Variants in L3MBTL4 observed in about 807,000 individuals in gnomAD.
L3MBTL4 encodes L3MBTL histone methyl-lysine binding protein 4, also known as lethal(3)malignant brain tumor-like protein 4.
A neutral mutation model predicts 84.5 loss-of-function variants in L3MBTL4; 70 were observed. The observed-to-expected ratio is 0.83, with a 90% CI of 0.68 to 1.01. The LOEUF is 1.01. Ranked by LOEUF, L3MBTL4 falls within the 50% of genes least tolerant of loss-of-function variation. The pLI is 0.00. For synonymous variants in L3MBTL4, 274 were observed against 259.8 expected, an observed-to-expected ratio of 1.05 and a Z score of -0.52; for missense variants, 715 against 754.8, an observed-to-expected ratio of 0.95 and a Z score of 0.62.
intron 1 of L3MBTL4, among the ~76,000 whole-genome samples, chr18:6,375,288 C>T (rs1295080142): frequency 3.9e-5 from 6 of 152,104 alleles, no homozygotes; most frequent in African/African-American, 1.4e-4. Context: ...ATGGCTCTCC[C>T]GCCCTAAGGA....
intron 1 of L3MBTL4, among the ~76,000 whole-genome samples, chr18:6,342,792 GA>G (rs967352138): frequency 6.9e-6 from 1 of 144,238 alleles, no homozygotes; most frequent in Non-Finnish European, 1.5e-5. Context: ...AAGAGCAACT[GA>G]ATTTTTTTTA....
intron 4 of L3MBTL4, among the ~76,000 whole-genome samples, chr18:6,288,527 G>A (rs1213777915): frequency 6.6e-6 from 1 of 152,092 alleles, no homozygotes; most frequent in Non-Finnish European, 1.5e-5. Context: ...TTAAGGTCAT[G>A]AACCTATGAA....
At chr18:6,368,904 T>C (rs1413115551) in intron 1 of L3MBTL4, among the ~76,000 whole-genome samples, 1 of 151,946 alleles carries the variant, frequency 6.6e-6, no homozygotes, top group Non-Finnish European at 1.5e-5. Context: ...TAGTCGGGTG[T>C]GATGGCGCAC....
chr18:6,105,800 C>CAA (rs530044057), intron 14 of L3MBTL4, among the ~76,000 whole-genome samples: 15 of 96,116 alleles, frequency 1.6e-4, no homozygotes, highest in East Asian at 8.3e-4. Context: ...AACTCTGTCT[C>CAA]AAAAAAAAAA....
intron 4 of L3MBTL4, among the ~76,000 whole-genome samples, chr18:6,293,852 T>G (rs886071244): frequency 6.6e-6 from 1 of 152,126 alleles, no homozygotes; most frequent in South Asian, 2.1e-4. Context: ...TCTTCAAGAG[T>G]GTCCAGGTCA....
intron 7 of L3MBTL4, among the ~76,000 whole-genome samples, chr18:6,242,592 C>A (rs527859541): frequency 9.8e-5 from 15 of 152,296 alleles, no homozygotes; most frequent in Admixed American, 2.6e-4. Context: ...CCAAGGGACA[C>A]CCTGAGTGGA....
chr18:6,156,387 CAAT>C (rs746579060), intron 13 of L3MBTL4, among the ~76,000 whole-genome samples: 27 of 152,148 alleles, frequency 1.8e-4, no homozygotes, highest in African/African-American at 5.8e-4. Context: ...ACCACAACAA[CAAT>C]GAGATGATAA....
chr18:6,121,602 A>G (rs78348188), intron 14 of L3MBTL4, among the ~76,000 whole-genome samples: 3 of 152,034 alleles, frequency 2.0e-5, no homozygotes, highest in Admixed American at 6.5e-5. Context: ...TCACAGCCCT[A>G]CACACCAAAG....
At chr18:6,207,939 C>T (rs952488075) in intron 12 of L3MBTL4, among the ~76,000 whole-genome samples, 3 of 151,306 alleles carry the variant, frequency 2.0e-5, no homozygotes, top group Non-Finnish European at 4.4e-5. Context: ...CCCCCATCTC[C>T]GCAAAGAAAA....
chr18:6,368,097 C>T (rs530515820), intron 1 of L3MBTL4, among the ~76,000 whole-genome samples: 4 of 152,160 alleles, frequency 2.6e-5, no homozygotes, highest in African/African-American at 7.2e-5. Context: ...AGAGTAAACA[C>T]ACAAATGCAT....
intron 14 of L3MBTL4, among the ~76,000 whole-genome samples, chr18:6,110,962 C>A (rs1164072822): frequency 6.6e-6 from 1 of 152,014 alleles, no homozygotes; most frequent in Admixed American, 6.6e-5. Context: ...CTCCTTATAC[C>A]CCTTTGTTCC....
intron 17 of L3MBTL4, 85 bp from the exon 18 acceptor site, chr18:5,960,241 A>T: frequency 4.3e-6 from 3 of 690,848 alleles, no homozygotes; most frequent in Non-Finnish European, 7.3e-6. Context: ...TAAGTAAAAT[A>T]TACTTAAAAT....
At chr18:6,071,683 G>GAAAAAGAAAGAA (rs1158717199) in intron 16 of L3MBTL4, among the ~76,000 whole-genome samples, 1 of 102,220 alleles carries the variant, frequency 9.8e-6, no homozygotes, top group African/African-American at 6.0e-5. Flanking sequence ...AAAAGAAAGA[G>GAAAAAGAAAGAA]AGAAAGAAAG....
chr18:6,084,610 CT>C (rs2058197096), intron 15 of L3MBTL4, among the ~76,000 whole-genome samples: 1 of 152,170 alleles, frequency 6.6e-6, no homozygotes, highest in Non-Finnish European at 1.5e-5. Context: ...TGAGATTTTC[CT>C]GCCTGCAGCT....
intron 1 of L3MBTL4, among the ~76,000 whole-genome samples, chr18:6,412,694 C>T (rs762083342): frequency 2.6e-5 from 4 of 152,038 alleles, no homozygotes; most frequent in East Asian, 1.9e-4. Flanking sequence ...CTCGGTCCTA[C>T]GAGTATTTGT....
chr18:5,959,631 G>C (rs1056291297), intron 18 of L3MBTL4, among the ~76,000 whole-genome samples: 2 of 152,146 alleles, frequency 1.3e-5, no homozygotes, highest in Non-Finnish European at 2.9e-5. Flanking sequence ...GCTGACTTTG[G>C]AGTAGACAAA....
intron 16 of L3MBTL4, among the ~76,000 whole-genome samples, chr18:6,054,805 T>C (rs2056959711): frequency 6.6e-6 from 1 of 152,256 alleles, no homozygotes; most frequent in South Asian, 2.1e-4. Context: ...TGAATGATGC[T>C]GGGACCACAG....
chr18:6,171,561 C>T (rs2145199098), intron 13 of L3MBTL4, among the ~76,000 whole-genome samples: 1 of 152,322 alleles, frequency 6.6e-6, no homozygotes, highest in South Asian at 2.1e-4. Context: ...TGTGCTAGCT[C>T]AGTTTTCCAA....
chr18:6,370,071 T>C (rs1484520029), intron 1 of L3MBTL4, among the ~76,000 whole-genome samples: 2 of 148,414 alleles, frequency 1.3e-5, no homozygotes, highest in African/African-American at 5.0e-5. Context: ...GAGGCAGAGG[T>C]TGCAGTGAGC....
Sources: allele counts gnomAD v4.1 joint callset (sites outside exome capture counted in the v4.1 genomes callset), GRCh38; gene constraint gnomAD v4.1.1; transcripts MANE v1.5; gene names NCBI Gene and HGNC (gene_info 2026-07-23, HGNC 2026-07-21).